The following NBPF12 variants were observed in gnomAD, a reference collection of about 807,000 sequenced individuals.
NBPF12 encodes the protein NBPF member 12.
In NBPF12, 115 loss-of-function variants were observed where a neutral mutation model predicts 146.4. That is an observed-to-expected ratio of 0.79 (90% confidence interval 0.68 to 0.92). The LOEUF is 0.92. Among genes scored for constraint, NBPF12 ranks in the 40% least tolerant of loss-of-function variants. The pLI is 0.00. For missense variants in NBPF12, 1,205 were observed against 1,326.8 expected, an observed-to-expected ratio of 0.91 and a Z score of 1.43; for synonymous variants, 385 against 508.9, an observed-to-expected ratio of 0.76 and a Z score of 3.28.
chr1:146,962,017 G>C lies in NBPF12; in HGVS notation c.176-144G>C, dbSNP rs1489541357. On this transcript the variant is annotated intron_variant, in intron 4 of 33. Coordinates refer to ENST00000617844, the Ensembl canonical transcript of NBPF12. ...TGCCAGAAAGTCAGGAGACTGAAGA[G>C]TAAAGATGTGGAAATCCCTGTCTAG... 4.3e-4 allele frequency: 299 copies of C among 701,014 alleles called. No homozygotes were observed. In the African/African-American group the frequency reaches 4.5e-3, roughly 11 times the overall value. The allele number at this position is 701,014 out of a possible 1,614,324, so 43.4% of individuals were successfully genotyped here.
At chr1:146,968,677 G>C in intron 10 of NBPF12, 127 bp downstream of exon 13, 2 of 812,794 alleles carry the variant, frequency 2.5e-6, no homozygotes, top group South Asian at 1.4e-5. Context: ...TGGCAGGCTC[G>C]CTACACACAA....
intron 4 of NBPF12, 141 bp downstream of exon 7, chr1:146,960,459 T>C (rs1655778181): frequency 3.3e-6 from 2 of 612,876 alleles, no homozygotes. Flanking sequence ...TTTAACATTT[T>C]GTTAAAGTTG....
intron 8 of NBPF12, 99 bp downstream of exon 11, chr1:146,965,203 C>T (rs1656110945): frequency 9.9e-6 from 8 of 805,882 alleles, no homozygotes; most frequent in African/African-American, 1.7e-5. Flanking sequence ...TTGTTTTAGT[C>T]AGAAACTAGG....
At chr1:146,961,463 A>C (rs1157704986) in intron 4 of NBPF12, among the ~76,000 whole-genome samples, 1 of 152,016 alleles carries the variant, frequency 6.6e-6, no homozygotes, top group Non-Finnish European at 1.5e-5. Context: ...ATCTCCTTGA[A>C]CATTAATTGG....
At chr1:146,949,141 GGGTCCTCCGGC>G (rs1655213157), upstream of NBPF12, among the ~76,000 whole-genome samples, 1 of 114,926 alleles carries the variant, frequency 8.7e-6, no homozygotes, top group South Asian at 2.5e-4. Flanking sequence ...GTGCCGGCAT[GGGTCCTCCGGC>G]ATGGGTCCTC....
intron 22 of NBPF12, among the ~76,000 whole-genome samples, 192 bp downstream of exon 25, chr1:146,985,177 T>C (rs1657674615): frequency 7.4e-6 from 1 of 135,792 alleles, no homozygotes; most frequent in South Asian, 2.3e-4. Flanking sequence ...TGAGCAAGGC[T>C]CTCTTCCTAG....
intron 20 of NBPF12, among the ~76,000 whole-genome samples, chr1:146,983,812 A>AGTAT (rs1396771954): frequency 8.6e-6 from 1 of 116,240 alleles, no homozygotes; most frequent in African/African-American, 3.1e-5. Flanking sequence ...TTAATATTGA[A>AGTAT]GTATCTCTCC....
exon 16 of NBPF12, chr1:146,975,755 C>T: frequency 1.2e-6 from 1 of 843,964 alleles, no homozygotes; most frequent in Non-Finnish European, 2.0e-6. Flanking sequence ...GGAGAGATGC[C>T]TCCCGCTCAT....
In NBPF12 at chr1:146,972,602, T is replaced by C; in HGVS notation, c.1592-149T>C. On this transcript the variant is annotated intron_variant, in intron 13 of 33. Transcript: ENST00000617844. ...CTAAGACAAGTTGACTTAAAGGAGATCAAGACTGGAGATGACAAGGGTGAA... is the reference window on the plus strand; with the variant it reads ...CTAAGACAAGTTGACTTAAAGGAGACCAAGACTGGAGATGACAAGGGTGAA... 3 of 767,694 alleles carry C rather than the reference T, an allele frequency of 3.9e-6. 1 individual carries two copies. Among genetic ancestry groups the C allele is most frequent in the South Asian group, 1.4e-5 (1 of 69,198 alleles). The allele number at this position is 767,694 out of a possible 1,614,324, so 47.6% of individuals were successfully genotyped here.
intron 2 of NBPF12, chr1:146,957,802 A>C (rs1655660332): frequency 7.8e-6 from 1 of 127,950 alleles, no homozygotes; most frequent in Non-Finnish European, 1.7e-5. Context: ...GCTGTGCAGT[A>C]GCCCTCGCTC....
Position 146,964,257 on chromosome 1 carries a change from T to C in NBPF12, c.494-100T>C, listed in dbSNP as rs1656048377. Reference sequence around the variant, plus strand: ...AACATGAGAGTTTTCAGTACAATGCTGAACCATACATAGATGTTCATGTCT... The same window carrying C: ...AACATGAGAGTTTTCAGTACAATGCCGAACCATACATAGATGTTCATGTCT... On this transcript the variant is annotated intron_variant, in intron 6 of 33. Transcript: ENST00000617844. The C allele has an allele frequency of 1.1e-5, 17 of 1,547,690 alleles. No homozygotes were observed. In the Admixed American group the frequency reaches 2.7e-4, roughly 25 times the overall value.
intron 12 of NBPF12, 32 bp downstream of exon 15, chr1:146,970,751 G>C (rs1553886279): frequency 7.7e-7 from 1 of 1,297,264 alleles, no homozygotes; most frequent in African/African-American, 1.5e-5. Context: ...CAAGTAATGG[G>C]TGTTAACATA....
exon 22 of NBPF12, chr1:146,984,959 G>A (rs1336300385): frequency 4.3e-5 from 58 of 1,343,598 alleles, no homozygotes; most frequent in East Asian, 9.7e-5. Context: ...GAGCAACAGC[G>A]TGTTGGCTTG....
intron 8 of NBPF12, among the ~76,000 whole-genome samples, chr1:146,965,528 A>G (rs1363817456): frequency 2.7e-5 from 4 of 150,822 alleles, no homozygotes; most frequent in Admixed American, 6.6e-5. Flanking sequence ...TCCACCTGTA[A>G]TCCCAGCACT....
At chr1:146,947,433 C>CT (rs1269827157), upstream of NBPF12, among the ~76,000 whole-genome samples, 1 of 145,852 alleles carries the variant, frequency 6.9e-6, no homozygotes, top group African/African-American at 2.6e-5. Context: ...GTTTGTTCAG[C>CT]TTTTTTCTAG....
intron 1 of NBPF12, among the ~76,000 whole-genome samples, chr1:146,940,825 T>G (rs1469017912): frequency 6.6e-6 from 1 of 151,992 alleles, no homozygotes; most frequent in Admixed American, 6.5e-5. Flanking sequence ...GGTGCAGTAA[T>G]ATATCAATGC....
intron 18 of NBPF12, among the ~76,000 whole-genome samples, chr1:146,978,616 G>A (rs1657198714): frequency 1.3e-5 from 2 of 151,842 alleles, no homozygotes; most frequent in Admixed American, 6.6e-5. Context: ...TTATGTCCAC[G>A]TTACCTGGTG....
At chr1:146,971,772 T>C (rs1272537910) in intron 13 of NBPF12, among the ~76,000 whole-genome samples, 1 of 150,868 alleles carries the variant, frequency 6.6e-6, no homozygotes, top group Non-Finnish European at 1.5e-5. Context: ...TTCATTGGCT[T>C]GTCTTAGCTA....
intron 18 of NBPF12, among the ~76,000 whole-genome samples, chr1:146,978,060 TG>T (rs1483882873): frequency 6.6e-6 from 1 of 151,592 alleles, no homozygotes; most frequent in African/African-American, 2.4e-5. Context: ...TTGGAAACAT[TG>T]TTCCCCAGGC....
Sources: gnomAD v4.1 joint callset for allele counts (sites outside exome capture counted in the v4.1 genomes callset) on GRCh38, gnomAD v4.1.1 for gene constraint, MANE v1.5 for transcripts, NCBI Gene and HGNC (gene_info 2026-07-23, HGNC 2026-07-21) for gene names.